The following CNTRL variants were observed in gnomAD, a reference collection of about 807,000 sequenced individuals.
CNTRL encodes the protein centriolin.
Under a neutral mutation model 303.7 loss-of-function variants are expected in CNTRL, and 233 were observed. The observed-to-expected ratio is 0.77, with a 90% CI of 0.69 to 0.86. The LOEUF is 0.86. Among genes scored for constraint, CNTRL ranks in the 40% least tolerant of loss-of-function variants. The probability of loss-of-function intolerance (pLI) is 0.00; values close to 1 mark genes in which losing one functional copy is unlikely to be tolerated. For missense variants in CNTRL, 2,524 were observed against 2,650.6 expected (o/e 0.95, Z 1.05); for synonymous variants, 900 against 922.2 (o/e 0.98, Z 0.44).
At chr9:121,077,969 C>G (rs372782558) in intron 1 of CNTRL, among the ~76,000 whole-genome samples, 1 of 151,984 alleles carries the variant, frequency 6.6e-6, no homozygotes, top group African/African-American at 2.4e-5. Flanking sequence ...ACGCCAACTA[C>G]GTACTATACA....
chr9:121,154,949 G>A (rs770448339), intron 27 of CNTRL, 36 bp downstream of exon 27: 1 of 1,561,478 alleles, frequency 6.4e-7, no homozygotes, highest in South Asian at 1.1e-5. Context: ...TGAGCTCAGT[G>A]TGGGTGAGTC....
intron 40 of CNTRL, among the ~76,000 whole-genome samples, chr9:121,172,805 A>C (rs2053366724): frequency 6.6e-6 from 1 of 152,162 alleles, no homozygotes; most frequent in East Asian, 1.9e-4. Context: ...GTTGGGTGCC[A>C]CTGAGGTGCT....
At chr9:121,142,682 C>G (rs1019023604) in intron 19 of CNTRL, among the ~76,000 whole-genome samples, 3 of 152,184 alleles carry the variant, frequency 2.0e-5, no homozygotes, top group Non-Finnish European at 4.4e-5. Context: ...CTCCCATTGT[C>G]ACATTCTGGA....
Position 121,161,935 on chromosome 9 carries a change from A to G in CNTRL, c.5169A>G (p.Val1723=), listed in dbSNP as rs1281955240. The change falls in exon 33 of 44, where the codon GTA becomes GTG. Residue 1723 remains valine (V), a synonymous_variant. Coordinates refer to ENST00000373855, the MANE Select transcript of CNTRL (RefSeq NM_007018.6). ...TGAAGCTACAACATGACCAAAGGGTATCTGAATTAGAGAAGACTCAGGTGG... is the reference window on the plus strand; with the variant it reads ...TGAAGCTACAACATGACCAAAGGGTGTCTGAATTAGAGAAGACTCAGGTGG... ...QGLKLQHDQR[V]SELEKTQVAV... 1.2e-6 allele frequency: 2 copies of G among 1,614,084 alleles called. No homozygotes were observed. Among genetic ancestry groups the G allele is most frequent in the East Asian group, 2.2e-5 (1 of 44,894 alleles).
chr9:121,172,307 T>C (rs865910237), intron 40 of CNTRL, among the ~76,000 whole-genome samples: 1 of 152,186 alleles, frequency 6.6e-6, no homozygotes, highest in Admixed American at 6.5e-5. Flanking sequence ...TAGAGCCACA[T>C]AGAGTAGTCT....
Position 121,165,041 on chromosome 9 carries a change from T to A in CNTRL, c.5522T>A (p.Leu1841Gln), listed in dbSNP as rs749156136. ...VRKLQQELDQ[L>Q]NRDKLSLHND... ...AAACTGCAGCAGGAACTAGACCAACTAAACAGAGACAAGTTGTCACTGCAT... is the reference window on the plus strand; with the variant it reads ...AAACTGCAGCAGGAACTAGACCAACAAAACAGAGACAAGTTGTCACTGCAT... Residue 1841 changes from leucine to glutamine, a missense_variant, in exon 35 of 44, where the codon CTA becomes CAA. Coordinates refer to ENST00000373855, the MANE Select transcript of CNTRL (RefSeq NM_007018.6). The A allele has an allele frequency of 2.5e-6, 4 of 1,608,882 alleles. No homozygotes were observed. The Admixed American group carries it at 5.1e-5, about 21-fold the overall frequency.
In CNTRL at chr9:121,142,136, G is replaced by T; in HGVS notation, c.2737G>T (p.Glu913Ter). ...RQHEARIQQMENEIHYLQENL... is the reference protein window; with the variant it reads ...RQHEARIQQM ...ACATGAAGCAAGAATCCAGCAAATG[G>T]AGAATGAAATTCACTATTTGCAAGA... is the stretch of plus-strand genomic sequence containing the variant. Residue 913 changes from glutamate to a stop codon, truncating the protein, a stop_gained, in exon 19 of 44, where the codon GAG becomes TAG. Coordinates refer to ENST00000373855, the MANE Select transcript of CNTRL (RefSeq NM_007018.6). LOFTEE classifies it high-confidence loss of function. 6.2e-7 allele frequency: 1 copy of T among 1,608,886 alleles called. No individual in the cohort carries two copies. The highest frequency in any genetic ancestry group is 8.5e-7 in the Non-Finnish European group (1 of 1,177,946).
At chr9:121,133,741 G>A (rs1031899931) in intron 14 of CNTRL, among the ~76,000 whole-genome samples, 6 of 152,186 alleles carry the variant, frequency 3.9e-5, no homozygotes, top group Non-Finnish European at 5.9e-5. Flanking sequence ...CGTCGATCAC[G>A]CTGGGAGCTG....
chr9:121,108,638 TA>T (rs1336221850), intron 8 of CNTRL, among the ~76,000 whole-genome samples: 1 of 152,144 alleles, frequency 6.6e-6, no homozygotes, highest in Non-Finnish European at 1.5e-5. Context: ...ATTAACCATT[TA>T]AAAACATGTT....
chr9:121,148,321 A>G (rs868814191), intron 23 of CNTRL, among the ~76,000 whole-genome samples: 5 of 152,204 alleles, frequency 3.3e-5, no homozygotes, highest in African/African-American at 9.7e-5. Context: ...TTTTGAAAGG[A>G]TAAATAGACA....
rs541308155 is a variant in CNTRL at position 121,122,261 on chromosome 9, G to A, written c.1651-1670G>A. The A allele has an allele frequency of 1.9e-4, 58 of 306,252 alleles. 1 individual carries two copies. Among genetic ancestry groups the A allele is most frequent in the Middle Eastern group, 3.4e-3 (2 of 594 alleles). 19.0% of individuals were successfully genotyped at this position (306,252 alleles called of 1,614,324 possible). A position where few individuals can be genotyped will look rare whatever the true frequency, so the allele number is the denominator to read the frequency against. Reference sequence around the variant, plus strand: ...TTACTTAGAATGTAAGCTGTTATATGTAGTTAACTTTTCAGAAAGATTTCA... The same window carrying A: ...TTACTTAGAATGTAAGCTGTTATATATAGTTAACTTTTCAGAAAGATTTCA... On this transcript the variant is annotated intron_variant, in intron 12 of 43. Coordinates refer to ENST00000373855, the MANE Select transcript of CNTRL (RefSeq NM_007018.6).
At position 121,173,704 on chromosome 9, in the gene CNTRL, G is replaced by A; in HGVS notation, c.6714G>A (p.Arg2238=). 4 of 1,614,140 alleles carry A rather than the reference G, an allele frequency of 2.5e-6. No homozygotes were observed. Among genetic ancestry groups the A allele is most frequent in the Non-Finnish European group, 3.4e-6 (4 of 1,180,010 alleles). The change falls in exon 42 of 44, where the codon CGG becomes CGA. Residue 2238 remains arginine (R), a synonymous_variant. Coordinates refer to ENST00000373855, the MANE Select transcript of CNTRL (RefSeq NM_007018.6). ...MDEHWRGEAL[R]EKLRHREDRL... is the part of the protein sequence containing the mutation. ...AACACTGGCGTGGAGAAGCACTCCG[G>A]GAGAAACTGCGTCACCGGGAAGACC... is the stretch of plus-strand genomic sequence containing the variant.
Position 121,165,533 on chromosome 9 carries a change from AATTT to A in CNTRL, c.5581+439_5581+442del, listed in dbSNP as rs1280789117. 3.9e-5 allele frequency among the ~76,000 whole-genome samples: 6 copies of A among 152,332 alleles called. No homozygotes were observed. In the East Asian group the frequency reaches 1.2e-3, roughly 29 times the overall value. On this transcript the variant is annotated intron_variant, in intron 35 of 43. Transcript: ENST00000373855. ...ATTACCAAATGTTTATAAATATGAT[AATTT>A]ATTTAGAAGAAATTGCTGAGTAATT...
At chr9:121,173,829 T>C (rs1247031094) in intron 42 of CNTRL, 92 bp downstream of exon 42, 9 of 1,205,074 alleles carry the variant, frequency 7.5e-6, no homozygotes, top group Non-Finnish European at 1.1e-5. Context: ...TGCTTTCACA[T>C]CCATGCTGTT....
rs1235987978 is a variant in CNTRL, at chr9:121,175,236, C to G, written c.6954+12C>G. The G allele has an allele frequency of 1.2e-6, 2 of 1,612,672 alleles. No homozygotes were observed. The highest frequency in any genetic ancestry group is 2.2e-5 in the South Asian group (2 of 91,046). ...TTGGACAAAATCAGGTAAGCAGCAGCTCTTTTTAAAAACAAAACAATAGCC... is the reference window on the plus strand; with the variant it reads ...TTGGACAAAATCAGGTAAGCAGCAGGTCTTTTTAAAAACAAAACAATAGCC... On this transcript the variant is annotated intron_variant, in intron 43 of 43. Coordinates refer to ENST00000373855, the MANE Select transcript of CNTRL (RefSeq NM_007018.6).
chr9:121,113,590 T>G lies in CNTRL; in HGVS notation c.1211T>G (p.Ile404Ser), dbSNP rs774824631. 1 of 1,610,292 alleles carries G rather than the reference T, an allele frequency of 6.2e-7. No individual in the cohort carries two copies. Among genetic ancestry groups the G allele is most frequent in the Non-Finnish European group, 8.5e-7 (1 of 1,178,826 alleles). Residue 404 changes from isoleucine (I) to serine (S), a missense_variant, in exon 10 of 44, where the codon ATT becomes AGT. Physicochemically the swap from Ile to Ser is moderately radical, Grantham distance 142 (BLOSUM62 -2). Coordinates refer to ENST00000373855, the MANE Select transcript of CNTRL (RefSeq NM_007018.6). ...KRNMFATESY[I>S]IDSAQAVQIK... The stretch of plus-strand genomic sequence containing the variant: ...AATATGTTTGCCACAGAGAGTTATA[T>G]TATTGACAGTGCTCAGGCAGTACAG...
At chr9:121,100,023 G>A (rs1203717530) in intron 7 of CNTRL, among the ~76,000 whole-genome samples, 2 of 152,166 alleles carry the variant, frequency 1.3e-5, no homozygotes. Flanking sequence ...AACCTAGCAA[G>A]GCAGGCCAAC....
chr9:121,138,547 A>G lies in CNTRL; in HGVS notation c.2205A>G (p.Leu735=), dbSNP rs2051323330. 6.2e-7 allele frequency: 1 copy of G among 1,613,598 alleles called. No homozygotes were observed. The highest frequency in any genetic ancestry group is 8.5e-7 in the Non-Finnish European group (1 of 1,179,684). Residue 735 remains leucine (L), a splice_region_variant and synonymous_variant, in exon 16 of 44, where the codon TTA becomes TTG. Transcript: ENST00000373855. ...ELEKVTRLTQ[L]EQSALQAELE... is the part of the protein sequence containing the mutation. ...GTCATTGCTTCCTATGGTGACAGTT[A>G]GAACAATCAGCCCTTCAAGCAGAAC...
rs914013653 is a variant in CNTRL at position 121,141,672 on chromosome 9, A to G, written c.2691+84A>G. 1.4e-5 allele frequency: 17 copies of G among 1,207,530 alleles called. No homozygotes were observed. The Admixed American group carries it at 1.6e-4, about 12-fold the overall frequency. The allele number at this position is 1,207,530 out of a possible 1,614,324, so 74.8% of individuals were successfully genotyped here. On this transcript the variant is annotated intron_variant, in intron 18 of 43. Transcript: ENST00000373855. ...AGCAAATTACAATGCTTCCTTTGTC[A>G]TGTAAATACAACATAATTGTTGTTA...
Sources: gnomAD v4.1 joint callset for allele counts (sites outside exome capture counted in the v4.1 genomes callset) on GRCh38, gnomAD v4.1.1 for gene constraint, MANE v1.5 for transcripts, NCBI Gene and HGNC (gene_info 2026-07-23, HGNC 2026-07-21) for gene names.